TMEM178A: variants seen among roughly 807,000 people sequenced by gnomAD.
TMEM178A encodes the protein transmembrane protein 178.
In TMEM178A, 12 loss-of-function variants were observed where a neutral mutation model predicts 29.1. The ratio of observed to expected loss-of-function variants is 0.41; its 90% CI spans 0.26 to 0.67. The LOEUF (loss-of-function observed/expected upper bound fraction) is 0.67, where lower values mean the gene tolerates loss of function less well. Among genes scored for constraint, TMEM178A ranks in the 30% least tolerant of loss-of-function variants. The pLI is 0.29. For synonymous variants in TMEM178A, 210 were observed against 187.2 expected (o/e 1.12, Z -0.99); for missense variants, 366 against 419.1 (o/e 0.87, Z 1.11).
rs376560766 is a variant in TMEM178A, at chr2:39,717,093, C to T, written c.736C>T (p.Leu246=). The change falls in exon 4 of 4, where the codon CTG becomes TTG. Residue 246 remains leucine (L), a synonymous_variant. Coordinates refer to ENST00000281961, the MANE Select transcript of TMEM178A (RefSeq NM_152390.3). The part of the protein sequence containing the change: ...LNRLPKLIYS[L]PADVEHGYSW... Reference sequence around the variant, plus strand: ...CCGGCTCCCAAAGCTAATTTATAGCCTGCCTGCTGATGTGGAACATGGTTA... The same window carrying T: ...CCGGCTCCCAAAGCTAATTTATAGCTTGCCTGCTGATGTGGAACATGGTTA... The T allele has an allele frequency of 5.0e-6, 8 of 1,611,976 alleles. No homozygotes were observed. Among genetic ancestry groups the T allele is most frequent in the African/African-American group, 1.4e-5 (1 of 74,000 alleles).
At chr2:39,704,283 GT>G in intron 2 of TMEM178A, 89 bp downstream of exon 2, 1 of 1,108,626 alleles carries the variant, frequency 9.0e-7, no homozygotes, top group Non-Finnish European at 1.3e-6. Flanking sequence ...ACAGAAGGAT[GT>G]TGTTCTTATC....
chr2:39,684,579 A>C (rs1439195282), intron 1 of TMEM178A, among the ~76,000 whole-genome samples: 2 of 152,184 alleles, frequency 1.3e-5, no homozygotes, highest in Non-Finnish European at 2.9e-5. Flanking sequence ...ATATGTCCTC[A>C]TATCCCTTTC....
chr2:39,678,781 GCTC>G (rs2148063458), intron 1 of TMEM178A, among the ~76,000 whole-genome samples: 1 of 152,236 alleles, frequency 6.6e-6, no homozygotes, highest in East Asian at 1.9e-4. Flanking sequence ...TTACCTTGTG[GCTC>G]CAGCTGCCTT....
chr2:39,733,728 TTA>T, the TMEM178A span, among the ~76,000 whole-genome samples: 4 of 152,202 alleles, frequency 2.6e-5, no homozygotes, highest in Non-Finnish European at 4.4e-5. Context: ...CAACCAGAAT[TTA>T]TGTTTCTTTT....
At chr2:39,704,259 C>T (rs1308295796) in intron 2 of TMEM178A, 65 bp downstream of exon 2, 32 of 1,329,950 alleles carry the variant, frequency 2.4e-5, no homozygotes, top group Non-Finnish European at 3.4e-5. Context: ...TCCCACCACC[C>T]CTCTCACATC....
At chr2:39,724,244 C>T in the TMEM178A span, among the ~76,000 whole-genome samples, 33 of 151,492 alleles carry the variant, frequency 2.2e-4, no homozygotes, top group South Asian at 6.3e-4. Flanking sequence ...GCATCCCTGA[C>T]GGCATTTTTT....
chr2:39,718,627 A>C (rs1451614802), downstream of TMEM178A, among the ~76,000 whole-genome samples: 4 of 152,156 alleles, frequency 2.6e-5, no homozygotes, highest in Non-Finnish European at 5.9e-5. Flanking sequence ...CTATGAGGTA[A>C]GTGCTGTTAT....
chr2:39,733,145 T>G, the TMEM178A span, among the ~76,000 whole-genome samples: 43 of 152,246 alleles, frequency 2.8e-4, 1 homozygote, highest in East Asian at 7.7e-3. Context: ...ACTGAGAAAG[T>G]TGAAGTAGTT....
chr2:39,677,528 A>T (rs1670681309), intron 1 of TMEM178A, among the ~76,000 whole-genome samples: 1 of 152,184 alleles, frequency 6.6e-6, no homozygotes, highest in Non-Finnish European at 1.5e-5. Flanking sequence ...AAGCCACTTA[A>T]CTCATGTCTG....
chr2:39,693,650 G>A (rs910377066), intron 1 of TMEM178A, among the ~76,000 whole-genome samples: 1 of 152,138 alleles, frequency 6.6e-6, no homozygotes, highest in Non-Finnish European at 1.5e-5. Flanking sequence ...GAAGAGGAGG[G>A]CAGGGAGGGA....
At chr2:39,699,907 G>A (rs7596026) in intron 1 of TMEM178A, among the ~76,000 whole-genome samples, 3,378 of 151,916 alleles carry the variant, frequency 0.022, 112 homozygotes, top group African/African-American at 0.076. Flanking sequence ...TTGCCTTATC[G>A]GTTATTTAGG....
chr2:39,717,452 AT>A lies in TMEM178A; in HGVS notation c.*204del. 2 of 629,118 alleles carry A rather than the reference AT, an allele frequency of 3.2e-6. No homozygotes were observed. Among genetic ancestry groups the A allele is most frequent in the South Asian group, 3.2e-5 (1 of 30,880 alleles). The allele number at this position is 629,118 out of a possible 1,614,324, so 39.0% of individuals were successfully genotyped here. ...TGTGGATTCAAGTGCTTTAATGACT[AT>A]TTATGCGTTGACTGTGAGAATAGGG... On this transcript the variant is annotated 3_prime_UTR_variant, in exon 4 of 4. Coordinates refer to ENST00000281961, the MANE Select transcript of TMEM178A (RefSeq NM_152390.3).
the TMEM178A span, among the ~76,000 whole-genome samples, chr2:39,731,009 C>T: frequency 3.9e-5 from 6 of 152,192 alleles, no homozygotes; most frequent in Admixed American, 1.3e-4. Context: ...GCCATTCCAT[C>T]ATGCCGTAAG....
the TMEM178A span, among the ~76,000 whole-genome samples, chr2:39,725,555 C>G: frequency 3.3e-4 from 50 of 152,246 alleles, no homozygotes; most frequent in African/African-American, 1.2e-3. Flanking sequence ...GTTCAGCATT[C>G]TGGACTTTTA....
chr2:39,683,147 A>G (rs1443797513), intron 1 of TMEM178A, among the ~76,000 whole-genome samples: 1 of 152,216 alleles, frequency 6.6e-6, no homozygotes, highest in Non-Finnish European at 1.5e-5. Context: ...ATGCCACTTT[A>G]TTAGCTTGCA....
the TMEM178A span, among the ~76,000 whole-genome samples, chr2:39,729,201 C>T: frequency 3.3e-5 from 5 of 152,292 alleles, no homozygotes; most frequent in Admixed American, 3.3e-4. Flanking sequence ...GATTCACTGC[C>T]ACCCCTGCCG....
intron 2 of TMEM178A, 112 bp from the exon 3 acceptor site, chr2:39,706,937 C>G (rs751990429): frequency 3.9e-6 from 5 of 1,289,768 alleles, no homozygotes; most frequent in Non-Finnish European, 5.3e-6. Context: ...GGGCTCTAAG[C>G]CTGTCCATGT....
chr2:39,715,292 A>G (rs894039179), intron 3 of TMEM178A, among the ~76,000 whole-genome samples: 2 of 152,114 alleles, frequency 1.3e-5, no homozygotes, highest in Non-Finnish European at 2.9e-5. Context: ...CTATTATTCT[A>G]TTTTACTTGT....
intron 1 of TMEM178A, among the ~76,000 whole-genome samples, chr2:39,668,449 C>T (rs1432894379): frequency 6.6e-6 from 1 of 152,166 alleles, no homozygotes; most frequent in Admixed American, 6.5e-5. Flanking sequence ...GATATGGGCC[C>T]CATTGCTGGC....
Sources: allele counts gnomAD v4.1 joint callset (sites outside exome capture counted in the v4.1 genomes callset), GRCh38; gene constraint gnomAD v4.1.1; transcripts MANE v1.5; gene names NCBI Gene and HGNC (gene_info 2026-07-23, HGNC 2026-07-21).